The following HPSE2 variants were observed in gnomAD, a reference collection of about 807,000 sequenced individuals.
The protein encoded by HPSE2 is inactive heparanase-2.
Under a neutral mutation model 60.5 loss-of-function variants are expected in HPSE2, and 38 were observed. The observed-to-expected ratio is 0.63, with a 90% CI of 0.48 to 0.82. The LOEUF (loss-of-function observed/expected upper bound fraction) is 0.82, where lower values mean the gene tolerates loss of function less well. Among genes scored for constraint, HPSE2 ranks in the 40% least tolerant of loss-of-function variants. HPSE2 has a pLI of 0.00. For synonymous variants in HPSE2, 295 were observed against 293.2 expected (o/e 1.01, Z -0.06); for missense variants, 713 against 740.4 (o/e 0.96, Z 0.43).
At chr10:99,128,100 AT>A (rs1845233077) in intron 3 of HPSE2, among the ~76,000 whole-genome samples, 1 of 151,958 alleles carries the variant, frequency 6.6e-6, no homozygotes, top group Non-Finnish European at 1.5e-5. Context: ...AACACAAGGT[AT>A]TCAGGCAACA....
intron 3 of HPSE2, among the ~76,000 whole-genome samples, chr10:99,071,723 T>A (rs1842796185): frequency 6.6e-6 from 1 of 152,256 alleles, no homozygotes; most frequent in Non-Finnish European, 1.5e-5. Flanking sequence ...ATCTTTAATC[T>A]ACTTTGCATT....
intron 3 of HPSE2, among the ~76,000 whole-genome samples, chr10:98,809,606 A>G (rs746623508): frequency 3.5e-4 from 54 of 152,144 alleles, no homozygotes; most frequent in Non-Finnish European, 6.6e-4. Flanking sequence ...CTGGTAATTA[A>G]GAATTACAGT....
intron 9 of HPSE2, among the ~76,000 whole-genome samples, chr10:98,552,721 C>T (rs375076668): frequency 1.2e-4 from 18 of 152,198 alleles, no homozygotes; most frequent in African/African-American, 3.4e-4. Flanking sequence ...GTTTAATTAT[C>T]AGAATTCTTT....
the HPSE2 span, among the ~76,000 whole-genome samples, chr10:99,273,237 A>C: frequency 2.0e-5 from 3 of 152,162 alleles, no homozygotes; most frequent in Admixed American, 2.0e-4. Flanking sequence ...AAGGCATAAG[A>C]ATGATACAAT....
At chr10:98,564,820 T>C (rs769144516) in intron 9 of HPSE2, among the ~76,000 whole-genome samples, 1 of 152,172 alleles carries the variant, frequency 6.6e-6, no homozygotes, top group Non-Finnish European at 1.5e-5. Flanking sequence ...GCAAGCTTTC[T>C]CAATAACCTG....
chr10:98,987,690 G>A (rs1234534525), intron 3 of HPSE2, among the ~76,000 whole-genome samples: 1 of 152,170 alleles, frequency 6.6e-6, no homozygotes, highest in African/African-American at 2.4e-5. Context: ...ATTAGGAAAA[G>A]AGGAAGTCAA....
At chr10:99,029,403 G>C (rs1957448038) in intron 3 of HPSE2, among the ~76,000 whole-genome samples, 1 of 152,226 alleles carries the variant, frequency 6.6e-6, no homozygotes, top group South Asian at 2.1e-4. Flanking sequence ...AGAAAAGCCA[G>C]CTGGGCCCGG....
chr10:98,713,580 A>T (rs1358383206), intron 5 of HPSE2, among the ~76,000 whole-genome samples: 1 of 152,026 alleles, frequency 6.6e-6, no homozygotes, highest in Non-Finnish European at 1.5e-5. Context: ...TGGTCAAAAA[A>T]ATTCAGAAAA....
intron 6 of HPSE2, among the ~76,000 whole-genome samples, chr10:98,688,392 T>C (rs911976508): frequency 6.6e-6 from 1 of 151,594 alleles, no homozygotes; most frequent in African/African-American, 2.4e-5. Context: ...CCAATGCTCT[T>C]CATTATTTTT....
At chr10:99,117,417 G>GAGAAAAAAAAAAAAAAAAAAAAAAAAA (rs1844742484) in intron 3 of HPSE2, among the ~76,000 whole-genome samples, 1 of 24,802 alleles carries the variant, frequency 4.0e-5, no homozygotes, top group East Asian at 1.7e-3. Flanking sequence ...TTGTTTTTTT[G>GAGAAAAAAAAAAAAAAAAAAAAAAAAA]AAAAAAAAAA....
At chr10:99,079,945 G>A (rs1171436581) in intron 3 of HPSE2, among the ~76,000 whole-genome samples, 1 of 152,102 alleles carries the variant, frequency 6.6e-6, no homozygotes, top group Non-Finnish European at 1.5e-5. Context: ...CATTCCCAAG[G>A]AGAAGCTGAG....
intron 3 of HPSE2, among the ~76,000 whole-genome samples, chr10:98,843,229 T>C (rs981769639): frequency 6.6e-6 from 1 of 152,144 alleles, no homozygotes; most frequent in African/African-American, 2.4e-5. Flanking sequence ...CAGTGTCTGT[T>C]GTTTCCCTCT....
Position 98,937,369 on chromosome 10 carries a change from G to A in HPSE2, c.611-193313C>T, listed in dbSNP as rs1206222000. On this transcript the variant is annotated intron_variant, in intron 3 of 11. Coordinates refer to ENST00000370552, the MANE Select transcript of HPSE2 (RefSeq NM_021828.5). ...GTGACAGACGGCACCTGGAAATTCG[G>A]GTCACTCCCACCCTAATACTGCGCT... Among the ~76,000 whole-genome samples the A allele has an allele frequency of 2.1e-5, 3 of 144,442 alleles. 1 individual carries two copies. Among genetic ancestry groups the A allele is most frequent in the Non-Finnish European group, 4.5e-5 (3 of 67,220 alleles). 94.8% of individuals were successfully genotyped at this position (144,442 alleles called of 152,430 possible). A position where few individuals can be genotyped will look rare whatever the true frequency, so the allele number is the denominator to read the frequency against.
At chr10:99,086,503 C>T (rs1392419919) in intron 3 of HPSE2, among the ~76,000 whole-genome samples, 4 of 150,604 alleles carry the variant, frequency 2.7e-5, no homozygotes, top group Non-Finnish European at 5.9e-5. Flanking sequence ...CAGGCGCCCG[C>T]CACTACGCCC....
At chr10:98,654,793 A>T (rs1421617659) in intron 6 of HPSE2, among the ~76,000 whole-genome samples, 1 of 152,150 alleles carries the variant, frequency 6.6e-6, no homozygotes, top group Non-Finnish European at 1.5e-5. Flanking sequence ...GAAAACTGAC[A>T]TGCTGAATTA....
intron 9 of HPSE2, among the ~76,000 whole-genome samples, chr10:98,553,795 C>A (rs146618985): frequency 2.0e-5 from 3 of 152,140 alleles, no homozygotes; most frequent in Non-Finnish European, 4.4e-5. Flanking sequence ...TATTTTGTTT[C>A]TCTCTTTTCT....
At chr10:98,944,525 C>T (rs373925798) in intron 3 of HPSE2, among the ~76,000 whole-genome samples, 15 of 152,238 alleles carry the variant, frequency 9.9e-5, no homozygotes, top group African/African-American at 3.4e-4. Context: ...CTATTGGTAG[C>T]GCACCTTCTC....
At chr10:99,016,786 G>C (rs182013324) in intron 3 of HPSE2, among the ~76,000 whole-genome samples, 1 of 151,960 alleles carries the variant, frequency 6.6e-6, no homozygotes, top group Non-Finnish European at 1.5e-5. Context: ...GTGTGTGTGT[G>C]TGTGGCAATT....
At chr10:98,943,087 G>T (rs957822454) in intron 3 of HPSE2, among the ~76,000 whole-genome samples, 1 of 112,082 alleles carries the variant, frequency 8.9e-6, no homozygotes, top group Non-Finnish European at 1.7e-5. Context: ...GTTGTGGGGT[G>T]GGGGGAGGGG....
Sources: gnomAD v4.1 joint callset for allele counts (sites outside exome capture counted in the v4.1 genomes callset) on GRCh38, gnomAD v4.1.1 for gene constraint, MANE v1.5 for transcripts, NCBI Gene and HGNC (gene_info 2026-07-23, HGNC 2026-07-21) for gene names.